DCC: variants seen among roughly 807,000 people sequenced by gnomAD.
The protein encoded by DCC is netrin receptor DCC.
DCC carries 58 observed loss-of-function variants against 172.5 expected under a neutral mutation model. The observed-to-expected ratio is 0.34, with a 90% CI of 0.27 to 0.42. The LOEUF is 0.42. Among genes scored for constraint, DCC ranks in the 10% least tolerant of loss-of-function variants. DCC has a pLI of 1.00. For missense variants in DCC, 1,740 were observed against 1,791.0 expected (o/e 0.97, Z 0.51); for synonymous variants, 709 against 644.5 (o/e 1.10, Z -1.52).
chr18:52,614,183 T>C (rs2034332287), intron 1 of DCC, among the ~76,000 whole-genome samples: 1 of 152,216 alleles, frequency 6.6e-6, no homozygotes, highest in African/African-American at 2.4e-5. Flanking sequence ...GTTTAATGCA[T>C]ATAATTTAAT....
intron 2 of DCC, among the ~76,000 whole-genome samples, chr18:52,798,138 A>G (rs2037913770): frequency 6.7e-6 from 1 of 149,974 alleles, no homozygotes; most frequent in Non-Finnish European, 1.5e-5. Context: ...TAGGGCAACC[A>G]TCAGTATCAG....
rs926616469 is a variant in DCC, at chr18:53,048,629, G to A, written c.986-14676G>A. Among the ~76,000 whole-genome samples the A allele has an allele frequency of 1.0e-4, 15 of 149,172 alleles. No individual in the cohort carries two copies. The South Asian group carries it at 1.7e-3, about 17-fold the overall frequency. On this transcript the variant is annotated intron_variant, in intron 5 of 28. Transcript: ENST00000442544. ...TATAAAAAATGTGATATATGATAAA[G>A]AAAATGTGATATATATATACACATT...
chr18:52,452,298 C>T (rs1988329896), intron 1 of DCC, among the ~76,000 whole-genome samples: 1 of 152,158 alleles, frequency 6.6e-6, no homozygotes, highest in African/African-American at 2.4e-5. Flanking sequence ...TAAAACCCTA[C>T]TCTCTCTATA....
intron 26 of DCC, among the ~76,000 whole-genome samples, chr18:53,492,086 G>A (rs1261423579): frequency 6.6e-6 from 1 of 152,056 alleles, no homozygotes; most frequent in African/African-American, 2.4e-5. Context: ...TTTTTCATAT[G>A]TTTGTTGGCT....
chr18:53,400,384 A>AG (rs1312618386), intron 18 of DCC, among the ~76,000 whole-genome samples: 6 of 152,180 alleles, frequency 3.9e-5, no homozygotes, highest in Non-Finnish European at 4.4e-5. Context: ...TGGGACAACA[A>AG]GGGGAATGAA....
intron 5 of DCC, among the ~76,000 whole-genome samples, chr18:52,952,172 A>G (rs775182550): frequency 8.6e-5 from 13 of 151,998 alleles, no homozygotes; most frequent in Non-Finnish European, 1.8e-4. Context: ...CCCTTTCTCT[A>G]TGCCTTAAAT....
At chr18:52,579,688 A>C (rs943512922) in intron 1 of DCC, among the ~76,000 whole-genome samples, 4 of 152,208 alleles carry the variant, frequency 2.6e-5, no homozygotes, top group Non-Finnish European at 2.9e-5. Flanking sequence ...GCAGTTCTGC[A>C]CTGCCTTTGT....
At chr18:52,642,056 GTGTGTGTATATATATATA>G in intron 1 of DCC, among the ~76,000 whole-genome samples, 1 of 5,390 alleles carries the variant, frequency 1.9e-4, no homozygotes, top group Non-Finnish European at 5.7e-4. Flanking sequence ...ACTGTGGTGT[GTGTGTGTATATATATATA>G]TATATACACA....
intron 1 of DCC, among the ~76,000 whole-genome samples, chr18:52,427,835 T>TCTTCCTTCCTTC (rs1206938130): frequency 1.2e-3 from 55 of 45,942 alleles, no homozygotes; most frequent in African/African-American, 2.4e-3. Context: ...TTCCTTCCTT[T>TCTTCCTTCCTTC]CTTCCTTCCT....
chr18:53,089,099 G>C (rs1396173853), intron 7 of DCC, among the ~76,000 whole-genome samples: 1 of 152,024 alleles, frequency 6.6e-6, no homozygotes, highest in Non-Finnish European at 1.5e-5. Context: ...GTTGTTGCTT[G>C]TTTTGAGACA....
intron 5 of DCC, among the ~76,000 whole-genome samples, chr18:53,004,696 G>GTTTGTTTC (rs1464780078): frequency 6.6e-6 from 1 of 152,016 alleles, no homozygotes; most frequent in African/African-American, 2.4e-5. Flanking sequence ...TTGTTTGTTT[G>GTTTGTTTC]TTTGTTTGTT....
At chr18:52,880,669 G>C (rs972752388) in intron 2 of DCC, among the ~76,000 whole-genome samples, 2 of 152,114 alleles carry the variant, frequency 1.3e-5, no homozygotes, top group African/African-American at 4.8e-5. Flanking sequence ...ACCTCCATCA[G>C]TGTTGTTGAA....
intron 5 of DCC, among the ~76,000 whole-genome samples, chr18:53,012,528 A>G (rs993006672): frequency 1.3e-5 from 2 of 152,088 alleles, no homozygotes; most frequent in Non-Finnish European, 2.9e-5. Context: ...TTTTAACCAT[A>G]ATAGGGCACA....
At chr18:52,496,593 C>T (rs1313065335) in intron 1 of DCC, among the ~76,000 whole-genome samples, 1 of 152,080 alleles carries the variant, frequency 6.6e-6, no homozygotes, top group Non-Finnish European at 1.5e-5. Context: ...GTCTCAGTAG[C>T]TCCTGGGGTA....
intron 2 of DCC, among the ~76,000 whole-genome samples, chr18:52,849,567 C>T (rs193008395): frequency 6.6e-6 from 1 of 152,274 alleles, no homozygotes; most frequent in East Asian, 1.9e-4. Flanking sequence ...CAAAAATTCA[C>T]AGGCAATATA....
intron 2 of DCC, among the ~76,000 whole-genome samples, chr18:52,887,383 C>T (rs2039585867): frequency 6.6e-6 from 1 of 151,902 alleles, no homozygotes; most frequent in African/African-American, 2.4e-5. Flanking sequence ...ATCCTTTGTG[C>T]TGCCTAATGC....
chr18:53,146,395 T>C (rs1339571513), intron 7 of DCC, among the ~76,000 whole-genome samples: 1 of 152,170 alleles, frequency 6.6e-6, no homozygotes, highest in African/African-American at 2.4e-5. Context: ...GCATCCTCTA[T>C]GGAGCAGGAA....
intron 7 of DCC, among the ~76,000 whole-genome samples, chr18:53,133,401 T>TA (rs1383653007): frequency 6.6e-6 from 1 of 152,208 alleles, no homozygotes; most frequent in Non-Finnish European, 1.5e-5. Context: ...CTTTTGCTGA[T>TA]AACCCCTTTT....
intron 7 of DCC, among the ~76,000 whole-genome samples, chr18:53,125,491 A>T (rs1482329682): frequency 6.6e-6 from 1 of 151,938 alleles, no homozygotes; most frequent in Non-Finnish European, 1.5e-5. Flanking sequence ...GCATGTTTTC[A>T]TTTTCTTAGC....
Sources: allele counts gnomAD v4.1 joint callset (sites outside exome capture counted in the v4.1 genomes callset), GRCh38; gene constraint gnomAD v4.1.1; transcripts MANE v1.5; gene names NCBI Gene and HGNC (gene_info 2026-07-23, HGNC 2026-07-21).